The following FOXP1 variants were observed in gnomAD, a reference collection of about 807,000 sequenced individuals.
The protein encoded by FOXP1 is forkhead box protein P1.
In FOXP1, 15 loss-of-function variants were observed where a neutral mutation model predicts 98.2. That is an observed-to-expected ratio of 0.15 (90% CI 0.10 to 0.24). The LOEUF is 0.24. Among genes scored for constraint, FOXP1 ranks in the 10% least tolerant of loss-of-function variants. The pLI is 1.00. For synonymous variants in FOXP1, 371 were observed against 314.5 expected, an observed-to-expected ratio of 1.18 and a Z score of -1.90; for missense variants, 633 against 848.5, an observed-to-expected ratio of 0.75 and a Z score of 3.15.
intron 5 of FOXP1, among the ~76,000 whole-genome samples, chr3:71,254,875 G>C (rs932588834): frequency 6.6e-6 from 1 of 152,162 alleles, no homozygotes; most frequent in South Asian, 2.1e-4. Flanking sequence ...TCAGTTATGA[G>C]CTTGACAAAA....
chr3:71,355,643 G>A (rs947916251), intron 4 of FOXP1, among the ~76,000 whole-genome samples: 4 of 152,088 alleles, frequency 2.6e-5, no homozygotes, highest in East Asian at 1.9e-4. Flanking sequence ...TTTTGAACAC[G>A]CCAGATCTTC....
chr3:71,318,653 T>A (rs779314007), intron 4 of FOXP1, among the ~76,000 whole-genome samples: 3 of 150,824 alleles, frequency 2.0e-5, no homozygotes, highest in Non-Finnish European at 3.0e-5. Flanking sequence ...AGACGTGGGC[T>A]GCTGTTGAAT....
chr3:71,359,626 C>A (rs941986381), intron 3 of FOXP1, among the ~76,000 whole-genome samples: 1 of 152,178 alleles, frequency 6.6e-6, no homozygotes. Context: ...GGGCTCACTG[C>A]AGCCTCAACT....
intron 17 of FOXP1, among the ~76,000 whole-genome samples, chr3:70,976,120 G>A (rs1032498309): frequency 1.3e-5 from 2 of 149,656 alleles, no homozygotes; most frequent in Admixed American, 6.7e-5. Context: ...CATGAACAGG[G>A]CTCACTGCAG....
At chr3:71,287,354 C>T (rs1333762391) in intron 5 of FOXP1, among the ~76,000 whole-genome samples, 1 of 151,874 alleles carries the variant, frequency 6.6e-6, no homozygotes, top group Non-Finnish European at 1.5e-5. Context: ...GCCTGTGGTA[C>T]CAGCTACTCA....
chr3:71,206,425 A>AAT (rs1220357544), intron 5 of FOXP1, among the ~76,000 whole-genome samples: 5 of 152,294 alleles, frequency 3.3e-5, no homozygotes, highest in East Asian at 3.9e-4. Context: ...GGAAACACTG[A>AAT]ATATATATAT....
At chr3:71,113,801 C>T (rs2058142191) in intron 6 of FOXP1, among the ~76,000 whole-genome samples, 1 of 140,446 alleles carries the variant, frequency 7.1e-6, no homozygotes, top group East Asian at 2.5e-4. Flanking sequence ...CATCAATAAA[C>T]CGCCATGAAG....
chr3:71,365,939 C>T (rs1448867113), intron 3 of FOXP1, among the ~76,000 whole-genome samples: 3 of 152,264 alleles, frequency 2.0e-5, no homozygotes, highest in Non-Finnish European at 4.4e-5. Context: ...GCCCACTGCA[C>T]TCCAGCCTGG....
intron 7 of FOXP1, among the ~76,000 whole-genome samples, chr3:71,088,624 A>G (rs950439836): frequency 3.9e-5 from 6 of 152,170 alleles, no homozygotes; most frequent in Admixed American, 2.6e-4. Context: ...CTAGCTAACT[A>G]TTTATGGGAA....
intron 3 of FOXP1, among the ~76,000 whole-genome samples, chr3:71,452,752 CA>C (rs1358083917): frequency 3.3e-5 from 5 of 152,166 alleles, no homozygotes; most frequent in Non-Finnish European, 7.3e-5. Context: ...CAGTTGCTGA[CA>C]AAATCAGCTG....
chr3:70,973,215 G>A (rs967551033), intron 17 of FOXP1, among the ~76,000 whole-genome samples: 2 of 151,468 alleles, frequency 1.3e-5, no homozygotes, highest in African/African-American at 4.9e-5. Context: ...TCAAAGGATC[G>A]GGGGGTGGTG....
chr3:71,428,300 T>C (rs1444339057), intron 3 of FOXP1, among the ~76,000 whole-genome samples: 2 of 152,198 alleles, frequency 1.3e-5, no homozygotes, highest in Non-Finnish European at 2.9e-5. Flanking sequence ...CCGCCTAACC[T>C]CCAAGTGGGA....
At chr3:71,164,293 G>A (rs561839192) in intron 6 of FOXP1, among the ~76,000 whole-genome samples, 29 of 152,028 alleles carry the variant, frequency 1.9e-4, no homozygotes, top group African/African-American at 7.0e-4. Context: ...TCCGCCTCCC[G>A]GGTTCATGCC....
intron 7 of FOXP1, chr3:71,065,718 CTTTCT>C (rs2052399049): frequency 6.6e-6 from 1 of 152,200 alleles, no homozygotes; most frequent in Non-Finnish European, 1.5e-5. Flanking sequence ...CTTTAAATTC[CTTTCT>C]TATTTATACA....
At chr3:71,390,818 C>A (rs751232695) in intron 3 of FOXP1, among the ~76,000 whole-genome samples, 2 of 152,176 alleles carry the variant, frequency 1.3e-5, no homozygotes, top group African/African-American at 2.4e-5. Flanking sequence ...AGTTCAAATT[C>A]TTGTGCAGTG....
At chr3:71,050,619 G>A (rs537762339) in intron 9 of FOXP1, among the ~76,000 whole-genome samples, 250 of 152,316 alleles carry the variant, frequency 1.6e-3, no homozygotes, top group Admixed American at 6.2e-3. Flanking sequence ...ACAGCAGAAG[G>A]GGAAACCTCT....
At chr3:71,326,700 T>C (rs2075713004) in intron 4 of FOXP1, among the ~76,000 whole-genome samples, 1 of 152,152 alleles carries the variant, frequency 6.6e-6, no homozygotes, top group East Asian at 1.9e-4. Flanking sequence ...GCTTACTGGT[T>C]GGATGTATTA....
intron 7 of FOXP1, among the ~76,000 whole-genome samples, chr3:71,065,432 G>A (rs1322460348): frequency 6.6e-6 from 1 of 152,204 alleles, no homozygotes; most frequent in Non-Finnish European, 1.5e-5. Context: ...AGGTCTCCTA[G>A]GCAGCGCAGA....
At position 71,009,155 on chromosome 3, in the gene FOXP1, CGGGGGGG is replaced by C. The variant is rs10546380; in HGVS notation, c.974+6387_974+6393del. 2.3e-3 allele frequency among the ~76,000 whole-genome samples: 48 copies of C among 20,804 alleles called. 12 individuals are homozygous for C. Among genetic ancestry groups the C allele is most frequent in the Admixed American group, 0.019 (34 of 1,756 alleles). 13.6% of individuals were successfully genotyped at this position (20,804 alleles called of 152,430 possible). On this transcript the variant is annotated intron_variant, in intron 12 of 20. Transcript: ENST00000649528. ...TGGTTGGTCAATGAAATCATGGGGGCGGGGGGGGGGGGGCGCATGACACACGTGGATA... is the reference window on the plus strand; with the variant it reads ...TGGTTGGTCAATGAAATCATGGGGGCGGGGGGCGCATGACACACGTGGATA...
Sources: allele counts gnomAD v4.1 joint callset (sites outside exome capture counted in the v4.1 genomes callset), GRCh38; gene constraint gnomAD v4.1.1; transcripts MANE v1.5; gene names NCBI Gene and HGNC (gene_info 2026-07-23, HGNC 2026-07-21).